Variants in NRXN3 observed in about 807,000 individuals in gnomAD.
The protein encoded by NRXN3 is neurexin III.
In NRXN3, 32 loss-of-function variants were observed where a neutral mutation model predicts 137.6. The ratio of observed to expected loss-of-function variants is 0.23; its 90% CI spans 0.18 to 0.31. The LOEUF is 0.31. NRXN3 is among the 10% of genes least tolerant of loss of function. The pLI is 1.00. For synonymous variants in NRXN3, 798 were observed against 784.5 expected, an observed-to-expected ratio of 1.02 and a Z score of -0.29; for missense variants, 1,574 against 2,062.5, an observed-to-expected ratio of 0.76 and a Z score of 4.59.
rs201387270 is a variant in NRXN3, at chr14:78,675,481, TC to T, written c.1221+24157del. On this transcript the variant is annotated intron_variant, in intron 6 of 20. Coordinates refer to ENST00000335750, the MANE Select transcript of NRXN3 (RefSeq NM_001330195.2). The stretch of plus-strand genomic sequence containing the variant: ...GCATTTCTGTTTACCATACCTTTAT[TC>T]CTCTAAATTTTTTCAGCAGTTCTGG... Among the ~76,000 whole-genome samples the T allele has an allele frequency of 7.1e-3, 1,086 of 152,294 alleles. 5 individuals carry two copies. The highest frequency in any genetic ancestry group is 0.011 in the Admixed American group (164 of 15,298).
intron 15 of NRXN3, among the ~76,000 whole-genome samples, chr14:79,173,655 C>T (rs915666545): frequency 6.6e-6 from 1 of 151,234 alleles, no homozygotes; most frequent in African/African-American, 2.4e-5. Context: ...TAACCAAAAA[C>T]CCAAGTAACT....
intron 15 of NRXN3, among the ~76,000 whole-genome samples, chr14:79,462,287 C>T (rs978546848): frequency 2.0e-5 from 3 of 151,918 alleles, no homozygotes; most frequent in Non-Finnish European, 2.9e-5. Context: ...AGAGGAGAAT[C>T]GCTTGAACCC....
intron 15 of NRXN3, among the ~76,000 whole-genome samples, chr14:79,117,556 A>G (rs2054655519): frequency 6.6e-6 from 1 of 152,206 alleles, no homozygotes; most frequent in Non-Finnish European, 1.5e-5. Context: ...CTTCTGAGGT[A>G]TGCCCCCCAA....
At chr14:78,494,456 A>G (rs1015973276) in intron 4 of NRXN3, among the ~76,000 whole-genome samples, 1 of 111,720 alleles carries the variant, frequency 9.0e-6, no homozygotes, top group African/African-American at 2.8e-5. Flanking sequence ...TCCTTTTTCA[A>G]ACTTGATAAG....
At chr14:79,525,222 G>A (rs2097107513) in intron 16 of NRXN3, among the ~76,000 whole-genome samples, 1 of 152,096 alleles carries the variant, frequency 6.6e-6, no homozygotes, top group African/African-American at 2.4e-5. Flanking sequence ...CCTTCATTTT[G>A]GGGTATTGTT....
chr14:79,654,309 A>C (rs943479576), intron 16 of NRXN3, among the ~76,000 whole-genome samples: 1 of 152,080 alleles, frequency 6.6e-6, no homozygotes, highest in Admixed American at 6.6e-5. Context: ...AGGTGACCTT[A>C]AATTAAACTT....
intron 10 of NRXN3, among the ~76,000 whole-genome samples, chr14:78,883,027 T>C (rs1017893724): frequency 6.6e-6 from 1 of 152,102 alleles, no homozygotes; most frequent in African/African-American, 2.4e-5. Context: ...CCCCTTTTGC[T>C]CAGCACTTCT....
chr14:78,496,080 A>G (rs915689388), intron 4 of NRXN3, among the ~76,000 whole-genome samples: 4 of 152,222 alleles, frequency 2.6e-5, no homozygotes, highest in Admixed American at 1.3e-4. Context: ...GGGACAAGAT[A>G]CTAATACAAT....
chr14:79,060,328 G>A (rs1193609411), intron 15 of NRXN3, among the ~76,000 whole-genome samples: 7 of 152,180 alleles, frequency 4.6e-5, no homozygotes, highest in Admixed American at 4.6e-4. Context: ...CTAGTGGACT[G>A]TTTTTAGTTG....
Position 78,479,910 on chromosome 14 carries a change from C to G in NRXN3, c.758-165210C>G, listed in dbSNP as rs114838513. Among the ~76,000 whole-genome samples the G allele has an allele frequency of 3.1e-3, 468 of 152,146 alleles. 3 individuals are homozygous for G. The highest frequency in any genetic ancestry group is 0.01 in the African/African-American group (431 of 41,510). On this transcript the variant is annotated intron_variant, in intron 4 of 20. Coordinates refer to ENST00000335750, the MANE Select transcript of NRXN3 (RefSeq NM_001330195.2). Reference sequence around the variant, plus strand: ...CTGTAATCCCAGCACTTTGGGAGAGCAGGGAGGGCAAATTACCTGAGGTCA... The same window carrying G: ...CTGTAATCCCAGCACTTTGGGAGAGGAGGGAGGGCAAATTACCTGAGGTCA...
intron 8 of NRXN3, among the ~76,000 whole-genome samples, chr14:78,775,599 G>A (rs762707418): frequency 3.9e-5 from 6 of 152,198 alleles, no homozygotes; most frequent in Non-Finnish European, 7.3e-5. Context: ...CAGGAATGAG[G>A]TGCCATTGTG....
At chr14:78,415,273 A>G (rs2093066704) in intron 4 of NRXN3, among the ~76,000 whole-genome samples, 1 of 152,162 alleles carries the variant, frequency 6.6e-6, no homozygotes, top group Non-Finnish European at 1.5e-5. Context: ...AAAAGCACTT[A>G]GTCTTTACCA....
intron 10 of NRXN3, among the ~76,000 whole-genome samples, chr14:78,906,647 G>A (rs2099217748): frequency 6.6e-6 from 1 of 151,926 alleles, no homozygotes. Context: ...CCTGATCCTA[G>A]GCAAGCAAGG....
intron 15 of NRXN3, among the ~76,000 whole-genome samples, chr14:79,085,224 A>G (rs905030184): frequency 1.3e-5 from 2 of 152,184 alleles, no homozygotes; most frequent in Non-Finnish European, 2.9e-5. Context: ...TAAATTAAAT[A>G]CATTTATATG....
At chr14:79,298,391 C>G (rs1043787585) in intron 15 of NRXN3, among the ~76,000 whole-genome samples, 17 of 151,998 alleles carry the variant, frequency 1.1e-4, no homozygotes, top group Admixed American at 6.6e-5. Flanking sequence ...TCAATTAGTG[C>G]CAAGTGTGGC....
chr14:79,847,197 C>T (rs959228045), intron 20 of NRXN3, among the ~76,000 whole-genome samples: 2 of 152,156 alleles, frequency 1.3e-5, no homozygotes, highest in African/African-American at 4.8e-5. Context: ...ATCACCTCAA[C>T]CCAAAACCCT....
chr14:79,753,756 G>A lies in NRXN3; in HGVS notation c.4015-51356G>A, dbSNP rs183407615. Among the ~76,000 whole-genome samples, 238 of 151,862 alleles carry A rather than the reference G, an allele frequency of 1.6e-3. 1 individual carries two copies. The highest frequency in any genetic ancestry group is 5.6e-3 in the African/African-American group (231 of 41,428). ...ATAATAAAAAGAAATTTCTAATTGA[G>A]TTGCCTAAGCCTGCCCACCTGTCAT... On this transcript the variant is annotated intron_variant, in intron 19 of 20. Transcript: ENST00000335750.
intron 15 of NRXN3, among the ~76,000 whole-genome samples, chr14:79,028,028 C>A (rs1002547270): frequency 1.3e-5 from 2 of 152,038 alleles, no homozygotes; most frequent in Admixed American, 1.3e-4. Context: ...TATTGTTTAT[C>A]CTATTCCATA....
At chr14:78,930,088 G>A (rs1258710290) in intron 10 of NRXN3, among the ~76,000 whole-genome samples, 2 of 152,078 alleles carry the variant, frequency 1.3e-5, no homozygotes, top group African/African-American at 4.8e-5. Flanking sequence ...AAAAATTCTG[G>A]CAGCTTTTTT....
Sources: gnomAD v4.1 joint callset for allele counts (sites outside exome capture counted in the v4.1 genomes callset) on GRCh38, gnomAD v4.1.1 for gene constraint, MANE v1.5 for transcripts, NCBI Gene and HGNC (gene_info 2026-07-23, HGNC 2026-07-21) for gene names.